The following CDH12 variants were observed in gnomAD, a reference collection of about 807,000 sequenced individuals.
CDH12 encodes the protein cadherin 12, also known as cadherin-12.
In CDH12, 41 loss-of-function variants were observed where a neutral mutation model predicts 74.1. The ratio of observed to expected loss-of-function variants is 0.55; its 90% CI spans 0.43 to 0.72. The LOEUF (loss-of-function observed/expected upper bound fraction) is 0.72, where lower values mean the gene tolerates loss of function less well. Ranked by LOEUF, CDH12 falls within the 30% of genes least tolerant of loss-of-function variation. CDH12 has a pLI of 0.00. For synonymous variants in CDH12, 399 were observed against 355.0 expected, an observed-to-expected ratio of 1.12 and a Z score of -1.39; for missense variants, 945 against 977.2, an observed-to-expected ratio of 0.97 and a Z score of 0.44.
chr5:22,598,754 T>C (rs188841000), intron 1 of CDH12, among the ~76,000 whole-genome samples: 87 of 152,276 alleles, frequency 5.7e-4, no homozygotes, highest in African/African-American at 2.0e-3. Flanking sequence ...ACAAAGTACT[T>C]TCACCTACAT....
At chr5:22,088,900 A>T (rs1743232245) in intron 4 of CDH12, among the ~76,000 whole-genome samples, 1 of 152,168 alleles carries the variant, frequency 6.6e-6, no homozygotes, top group South Asian at 2.1e-4. Context: ...CCCAAGGTAA[A>T]CACAAAACTT....
intron 6 of CDH12, among the ~76,000 whole-genome samples, chr5:21,884,944 G>A (rs1352653221): frequency 1.3e-5 from 2 of 151,974 alleles, no homozygotes; most frequent in Non-Finnish European, 2.9e-5. Context: ...GGAGTGCAAT[G>A]GCGTGATCTT....
At chr5:22,419,921 A>T (rs917742611) in intron 2 of CDH12, among the ~76,000 whole-genome samples, 2 of 151,834 alleles carry the variant, frequency 1.3e-5, no homozygotes, top group African/African-American at 4.8e-5. Context: ...ACTTTTTCTC[A>T]TGTTTGTTGG....
chr5:21,767,612 A>G (rs900620419), intron 11 of CDH12, among the ~76,000 whole-genome samples: 2 of 151,686 alleles, frequency 1.3e-5, no homozygotes, highest in Non-Finnish European at 3.0e-5. Flanking sequence ...TTTCCTGAAG[A>G]TTAAATGTCA....
chr5:22,702,148 G>C (rs1054563175), intron 1 of CDH12, among the ~76,000 whole-genome samples: 1 of 152,102 alleles, frequency 6.6e-6, no homozygotes, highest in Non-Finnish European at 1.5e-5. Context: ...GAATGAGTTA[G>C]CATGAGGCCA....
At chr5:22,847,293 G>A (rs923146451) in intron 1 of CDH12, among the ~76,000 whole-genome samples, 4 of 152,106 alleles carry the variant, frequency 2.6e-5, no homozygotes, top group Non-Finnish European at 5.9e-5. Context: ...CTAGTAATTA[G>A]GAAAGTGTAG....
chr5:21,820,902 C>A (rs1467978107), intron 8 of CDH12, among the ~76,000 whole-genome samples: 1 of 151,906 alleles, frequency 6.6e-6, no homozygotes. Context: ...CTGTACCACA[C>A]AAATTGAGAA....
chr5:22,196,560 C>T (rs561481713), intron 4 of CDH12, among the ~76,000 whole-genome samples: 1 of 152,268 alleles, frequency 6.6e-6, no homozygotes, highest in Non-Finnish European at 1.5e-5. Context: ...GAGAAACTGC[C>T]TACGCTGAGT....
intron 5 of CDH12, among the ~76,000 whole-genome samples, chr5:22,071,318 T>C (rs1237439372): frequency 1.3e-5 from 2 of 152,162 alleles, no homozygotes; most frequent in African/African-American, 4.8e-5. Context: ...GTCTCCTTCA[T>C]TTATGCTTTT....
At chr5:22,285,733 G>A (rs1160671336) in intron 3 of CDH12, among the ~76,000 whole-genome samples, 2 of 151,898 alleles carry the variant, frequency 1.3e-5, no homozygotes, top group African/African-American at 4.8e-5. Context: ...ATATCATTTT[G>A]CTCTAACTTG....
chr5:22,734,622 C>T (rs1199846939), intron 1 of CDH12, among the ~76,000 whole-genome samples: 1 of 151,908 alleles, frequency 6.6e-6, no homozygotes, highest in East Asian at 1.9e-4. Context: ...CTTCTCCAAA[C>T]ACTGGTAACT....
chr5:22,827,520 G>A (rs1736398943), intron 1 of CDH12, among the ~76,000 whole-genome samples: 1 of 152,142 alleles, frequency 6.6e-6, no homozygotes, highest in Non-Finnish European at 1.5e-5. Context: ...TCCCTACTGG[G>A]GCACCACATT....
At chr5:22,615,645 A>G (rs1262569283) in intron 1 of CDH12, among the ~76,000 whole-genome samples, 1 of 152,174 alleles carries the variant, frequency 6.6e-6, no homozygotes, top group Non-Finnish European at 1.5e-5. Context: ...AAAATAAGCT[A>G]ACCAGAGAGG....
Position 22,413,586 on chromosome 5 carries a change from T to C in CDH12, c.-427-8235A>G, listed in dbSNP as rs184625072. On this transcript the variant is annotated intron_variant, in intron 2 of 14. Coordinates refer to ENST00000382254, the MANE Select transcript of CDH12 (RefSeq NM_004061.5). The stretch of plus-strand genomic sequence containing the variant: ...GGGCAGTGAGGATGCAGACATAATA[T>C]TTTCATAGTTATATTTCAACAAATC... Among the ~76,000 whole-genome samples, 131 of 152,096 alleles carry C rather than the reference T, an allele frequency of 8.6e-4. 1 individual carries two copies. The Middle Eastern group carries it at 0.01, about 12-fold the overall frequency.
intron 1 of CDH12, among the ~76,000 whole-genome samples, chr5:22,790,953 T>A (rs564575702): frequency 4.3e-4 from 66 of 152,276 alleles, no homozygotes; most frequent in African/African-American, 1.5e-3. Context: ...ATGAAGGACC[T>A]TTCAATCTTC....
intron 3 of CDH12, among the ~76,000 whole-genome samples, chr5:22,362,255 C>G (rs1740838139): frequency 6.6e-6 from 1 of 152,074 alleles, no homozygotes; most frequent in South Asian, 2.1e-4. Context: ...ACAACCCCAT[C>G]AAAAAGTGGG....
intron 12 of CDH12, among the ~76,000 whole-genome samples, chr5:21,761,745 A>G (rs996102646): frequency 2.7e-5 from 4 of 145,520 alleles, no homozygotes; most frequent in African/African-American, 1.1e-4. Flanking sequence ...GGATAGATAT[A>G]GATAGATAGA....
chr5:22,143,534 A>G (rs1746952833), intron 4 of CDH12: 1 of 151,794 alleles, frequency 6.6e-6, no homozygotes, highest in Non-Finnish European at 1.5e-5. Flanking sequence ...ATGCCTGGCT[A>G]GTTTTTGTAT....
intron 14 of CDH12, 106 bp from the exon 15 acceptor site, chr5:21,752,342 C>A (rs1744143615): frequency 2.2e-6 from 2 of 898,842 alleles, no homozygotes; most frequent in Admixed American, 2.4e-5. Flanking sequence ...TCGTGAATGA[C>A]CTCCTGTTAC....
Sources: gnomAD v4.1 joint callset for allele counts (sites outside exome capture counted in the v4.1 genomes callset) on GRCh38, gnomAD v4.1.1 for gene constraint, MANE v1.5 for transcripts, NCBI Gene and HGNC (gene_info 2026-07-23, HGNC 2026-07-21) for gene names.